The following CCDC125 variants were observed in gnomAD, a reference collection of about 807,000 sequenced individuals.
The protein encoded by CCDC125 is coiled-coil domain-containing protein 125.
A neutral mutation model predicts 57.4 loss-of-function variants in CCDC125; 43 were observed. The ratio of observed to expected loss-of-function variants is 0.75; its 90% CI spans 0.59 to 0.97. The LOEUF (loss-of-function observed/expected upper bound fraction) is 0.97, where lower values mean the gene tolerates loss of function less well. CCDC125 is among the 50% of genes least tolerant of loss of function. The pLI is 0.00. For synonymous variants in CCDC125, 187 were observed against 195.2 expected (o/e 0.96, Z 0.35); for missense variants, 563 against 595.7 (o/e 0.95, Z 0.57).
At chr5:69,329,741 G>A (rs868279948) in intron 1 of CCDC125, among the ~76,000 whole-genome samples, 2 of 150,618 alleles carry the variant, frequency 1.3e-5, no homozygotes, top group Admixed American at 1.3e-4. Context: ...GACCTCAGAT[G>A]ATCCACCTGT....
chr5:69,290,290 TTATTATTATTAC>T (rs1316964923), intron 10 of CCDC125, among the ~76,000 whole-genome samples: 211 of 151,128 alleles, frequency 1.4e-3, no homozygotes, highest in African/African-American at 5.0e-3. Flanking sequence ...TTTATTATTA[TTATTATTATTAC>T]TATTATTATT....
intron 8 of CCDC125, among the ~76,000 whole-genome samples, chr5:69,299,526 T>C (rs753195846): frequency 3.9e-5 from 6 of 152,180 alleles, no homozygotes; most frequent in East Asian, 1.9e-4. Context: ...GCCATTGGCA[T>C]TGCACCAGCA....
chr5:69,306,364 T>C (rs1201772965), intron 6 of CCDC125, among the ~76,000 whole-genome samples: 1 of 152,230 alleles, frequency 6.6e-6, no homozygotes, highest in East Asian at 1.9e-4. Context: ...GGACTCACTC[T>C]ATCATCCAGG....
chr5:69,310,997 T>C, intron 4 of CCDC125, 121 bp downstream of exon 4: 2 of 544,194 alleles, frequency 3.7e-6, no homozygotes, highest in South Asian at 4.7e-5. Context: ...CTTAAAAATA[T>C]ACATACCTAA....
intron 7 of CCDC125, among the ~76,000 whole-genome samples, chr5:69,301,957 C>T (rs988805296): frequency 1.9e-4 from 29 of 151,306 alleles, no homozygotes; most frequent in African/African-American, 6.8e-4. Flanking sequence ...GTGGAACATG[C>T]CTGTAGTACC....
chr5:69,273,879 A>G, the CCDC125 span, among the ~76,000 whole-genome samples: 2 of 152,198 alleles, frequency 1.3e-5, no homozygotes, highest in African/African-American at 4.8e-5. Flanking sequence ...GTGAATATAT[A>G]TGGAGATGGA....
At chr5:69,305,181 C>T (rs1757136596) in intron 6 of CCDC125, among the ~76,000 whole-genome samples, 1 of 152,128 alleles carries the variant, frequency 6.6e-6, no homozygotes, top group African/African-American at 2.4e-5. Context: ...AAATGGCGTA[C>T]ATACATAACA....
At position 69,294,873 on chromosome 5, in the gene CCDC125, G is replaced by C; in HGVS notation, c.844C>G (p.His282Asp). 2 of 1,613,968 alleles carry C rather than the reference G, an allele frequency of 1.2e-6. No individual in the cohort carries two copies. Among genetic ancestry groups the C allele is most frequent in the South Asian group, 2.2e-5 (2 of 91,030 alleles). ...GAACAGGGGTTCCCTCCGGGCCCAT[G>C]ACAAAGGCAGGCTCCGAGGACCGCA... ...ELAVLGACLC[H>D]GPGGNPCSCA... Residue 282 changes from histidine to aspartate, a missense_variant, in exon 9 of 12, where the codon CAT becomes GAT. Coordinates refer to ENST00000396496, the MANE Select transcript of CCDC125 (RefSeq NM_176816.5).
Position 69,292,174 on chromosome 5 carries a change from T to A in CCDC125, c.1099+14A>T. On this transcript the variant is annotated intron_variant, in intron 10 of 11. Coordinates refer to ENST00000396496, the MANE Select transcript of CCDC125 (RefSeq NM_176816.5). ...AAATTACACCCACTTATTGCCATTA[T>A]AATTCATAGTTACCATCCTCTTTAA... 6.3e-7 allele frequency: 1 copy of A among 1,596,788 alleles called. No homozygotes were observed. The highest frequency in any genetic ancestry group is 1.3e-5 in the African/African-American group (1 of 74,440).
intron 7 of CCDC125, among the ~76,000 whole-genome samples, chr5:69,303,051 G>A (rs899727621): frequency 2.0e-5 from 3 of 152,046 alleles, no homozygotes; most frequent in Admixed American, 6.6e-5. Context: ...ACCGAGTTTC[G>A]CTCTGTCACC....
At chr5:69,311,396 A>G (rs1020751149) in intron 3 of CCDC125, among the ~76,000 whole-genome samples, 192 bp from the exon 4 acceptor site, 1 of 152,170 alleles carries the variant, frequency 6.6e-6, no homozygotes, top group African/African-American at 2.4e-5. Flanking sequence ...GTGACCTGTA[A>G]TCCCTGCATT....
chr5:69,329,429 C>T (rs994515544), intron 1 of CCDC125, among the ~76,000 whole-genome samples: 10 of 151,766 alleles, frequency 6.6e-5, no homozygotes, highest in African/African-American at 2.4e-4. Flanking sequence ...CTCAAGCAAT[C>T]CTTCTGCCTC....
rs559149554 is a variant in CCDC125 at position 69,314,795 on chromosome 5, C to T, written c.305-749G>A. Among the ~76,000 whole-genome samples the T allele has an allele frequency of 2.0e-5, 3 of 151,584 alleles. No individual in the cohort carries two copies. The South Asian group carries it at 6.3e-4, about 32-fold the overall frequency. The stretch of plus-strand genomic sequence containing the variant: ...CTCCAGCTTGAGCAACAGAGCAAGA[C>T]TATCTAAAAAAAACAAAAAAGGACT... On this transcript the variant is annotated intron_variant, in intron 2 of 11. Coordinates refer to ENST00000396496, the MANE Select transcript of CCDC125 (RefSeq NM_176816.5).
chr5:69,286,994 TAAAAA>T (rs33957725), intron 10 of CCDC125, among the ~76,000 whole-genome samples: 1 of 112,770 alleles, frequency 8.9e-6, no homozygotes, highest in Non-Finnish European at 1.8e-5. Context: ...GAGTTTAAGA[TAAAAA>T]AAAAAAAAAA....
intron 11 of CCDC125, among the ~76,000 whole-genome samples, chr5:69,284,237 T>C (rs919159218): frequency 2.6e-5 from 4 of 152,110 alleles, no homozygotes; most frequent in Admixed American, 6.6e-5. Flanking sequence ...ATAAAAAATA[T>C]ATCAACGTGC....
rs796227961 is a variant in CCDC125 at position 69,291,366 on chromosome 5, A to ATT, written c.1099+820_1099+821dup. On this transcript the variant is annotated intron_variant, in intron 10 of 11. Transcript: ENST00000396496. ...GATATAATAATACTCAATACTGATCATTTTTTTTTTTTTGAGATGGAGTCT... is the reference window on the plus strand; with the variant it reads ...GATATAATAATACTCAATACTGATCATTTTTTTTTTTTTTTGAGATGGAGTCT... Among the ~76,000 whole-genome samples, 521 of 145,844 alleles carry ATT rather than the reference A, an allele frequency of 3.6e-3. 4 individuals carry two copies. Among genetic ancestry groups the ATT allele is most frequent in the African/African-American group, 0.012 (489 of 40,076 alleles).
chr5:69,287,469 G>A (rs1753703983), intron 10 of CCDC125, among the ~76,000 whole-genome samples: 1 of 151,624 alleles, frequency 6.6e-6, no homozygotes, highest in Non-Finnish European at 1.5e-5. Context: ...CTCCATGTTG[G>A]TCAGGCTGGT....
chr5:69,323,636 T>A (rs981457283), intron 1 of CCDC125, among the ~76,000 whole-genome samples: 1 of 152,150 alleles, frequency 6.6e-6, no homozygotes, highest in African/African-American at 2.4e-5. Flanking sequence ...CTGTACTTGC[T>A]TTTAGGGCAG....
At chr5:69,320,650 C>T (rs917961666) in intron 1 of CCDC125, 70 bp from the exon 2 acceptor site, 5 of 685,924 alleles carry the variant, frequency 7.3e-6, no homozygotes, top group African/African-American at 3.6e-5. Flanking sequence ...CGATATTTAC[C>T]CAAAACATTT....
Sources: allele counts gnomAD v4.1 joint callset (sites outside exome capture counted in the v4.1 genomes callset), GRCh38; gene constraint gnomAD v4.1.1; transcripts MANE v1.5; gene names NCBI Gene and HGNC (gene_info 2026-07-23, HGNC 2026-07-21).